The following JAKMIP3 variants were observed in gnomAD, a reference collection of about 807,000 sequenced individuals.
JAKMIP3 encodes the protein Janus kinase and microtubule interacting protein 3.
In JAKMIP3, 58 loss-of-function variants were observed where a neutral mutation model predicts 118.5. That is an observed-to-expected ratio of 0.49 (90% CI 0.40 to 0.61). The LOEUF (loss-of-function observed/expected upper bound fraction) is 0.61. Ranked by LOEUF, JAKMIP3 falls within the 20% of genes least tolerant of loss-of-function variation. The probability of loss-of-function intolerance (pLI) is 0.00; values close to 1 mark genes in which losing one functional copy is unlikely to be tolerated. For synonymous variants in JAKMIP3, 486 were observed against 451.2 expected (o/e 1.08, Z -0.98); for missense variants, 950 against 1,109.0 (o/e 0.86, Z 2.04).
At chr10:132,107,327 G>A (rs764550029) in intron 2 of JAKMIP3, among the ~76,000 whole-genome samples, 1 of 152,168 alleles carries the variant, frequency 6.6e-6, no homozygotes, top group African/African-American at 2.4e-5. Context: ...CATCTGTGAC[G>A]CCCCGAGGGA....
upstream of JAKMIP3, among the ~76,000 whole-genome samples, chr10:132,059,812 TTCA>T (rs1481540499): frequency 6.6e-6 from 1 of 152,222 alleles, no homozygotes; most frequent in Non-Finnish European, 1.5e-5. Flanking sequence ...TTTGCAGGTG[TTCA>T]AATTCCCAGA....
chr10:132,153,426 C>T (rs911429957), intron 17 of JAKMIP3, among the ~76,000 whole-genome samples: 6 of 152,198 alleles, frequency 3.9e-5, no homozygotes, highest in African/African-American at 9.7e-5. Flanking sequence ...AAGGGGTGCT[C>T]CTGGCACATA....
intron 2 of JAKMIP3, among the ~76,000 whole-genome samples, chr10:132,116,530 C>T (rs1564916627): frequency 1.4e-5 from 2 of 141,360 alleles, no homozygotes; most frequent in Admixed American, 7.1e-5. Context: ...CATGGACGCT[C>T]CCCCCGAATA....
intron 19 of JAKMIP3, among the ~76,000 whole-genome samples, chr10:132,154,956 A>AATGGTTATCATGATGGTGATC (rs2056856031): frequency 3.1e-4 from 2 of 6,556 alleles, no homozygotes; most frequent in Admixed American, 2.9e-3. Context: ...TGATGGTGAT[A>AATGGTTATCATGATGGTGATC]ATGGTTATCA....
intron 23 of JAKMIP3, among the ~76,000 whole-genome samples, chr10:132,175,346 G>T (rs771868483): frequency 1.3e-5 from 2 of 152,102 alleles, no homozygotes; most frequent in Non-Finnish European, 2.9e-5. Flanking sequence ...GAACATCCTT[G>T]TCTCCTTCCA....
chr10:132,058,978 C>T (rs2133840627), intron 1 of JAKMIP3, among the ~76,000 whole-genome samples: 1 of 152,302 alleles, frequency 6.6e-6, no homozygotes, highest in South Asian at 2.1e-4. Context: ...TGGCTTCACG[C>T]CACCGAGGAC....
intron 9 of JAKMIP3, among the ~76,000 whole-genome samples, 151 bp downstream of exon 9, chr10:132,138,329 C>T (rs1202476415): frequency 7.4e-6 from 1 of 134,484 alleles, no homozygotes; most frequent in Non-Finnish European, 1.5e-5. Context: ...GGACCGCGCC[C>T]ACGTGTGTGG....
At chr10:132,055,620 A>C (rs1370773010) in intron 1 of JAKMIP3, among the ~76,000 whole-genome samples, 1 of 152,210 alleles carries the variant, frequency 6.6e-6, no homozygotes, top group Admixed American at 6.5e-5. Flanking sequence ...GGTTTGAGCC[A>C]TATCAGTTGG....
chr10:132,155,130 ATGGTGGTGATATGGTGG>A (rs1232426139), intron 19 of JAKMIP3, among the ~76,000 whole-genome samples: 2 of 145,238 alleles, frequency 1.4e-5, no homozygotes, highest in African/African-American at 5.1e-5. Flanking sequence ...GATGATGGTG[ATGGTGGTGATATGGTGG>A]TGATGATCAT....
chr10:132,069,342 C>T (rs2039450703), intron 1 of JAKMIP3, among the ~76,000 whole-genome samples: 1 of 152,136 alleles, frequency 6.6e-6, no homozygotes, highest in African/African-American at 2.4e-5. Flanking sequence ...GACACGTTTT[C>T]CCAGGTCCCC....
chr10:132,079,189 C>T (rs1243055808), intron 1 of JAKMIP3, among the ~76,000 whole-genome samples: 5 of 143,000 alleles, frequency 3.5e-5, no homozygotes, highest in African/African-American at 1.1e-4. Flanking sequence ...CTGTGGACCC[C>T]GGTAGCCTCG....
At chr10:132,076,342 A>G (rs1048404849) in intron 1 of JAKMIP3, among the ~76,000 whole-genome samples, 1 of 152,236 alleles carries the variant, frequency 6.6e-6, no homozygotes, top group African/African-American at 2.4e-5. Flanking sequence ...TTAGGATTTC[A>G]TTCCTTTTCA....
chr10:132,115,443 T>C (rs1000046577), intron 2 of JAKMIP3, among the ~76,000 whole-genome samples: 6 of 152,238 alleles, frequency 3.9e-5, no homozygotes, highest in African/African-American at 1.4e-4. Context: ...TGCACTCATC[T>C]GGGCCCTTCT....
intron 1 of JAKMIP3, among the ~76,000 whole-genome samples, chr10:132,051,324 T>C (rs1232176171): frequency 6.9e-6 from 1 of 144,162 alleles, no homozygotes; most frequent in Non-Finnish European, 1.5e-5. Context: ...CTGTCTTTCC[T>C]GGCACGGTTG....
chr10:132,094,501 A>G (rs2043574940), intron 1 of JAKMIP3, among the ~76,000 whole-genome samples: 1 of 151,744 alleles, frequency 6.6e-6, no homozygotes, highest in South Asian at 2.1e-4. Context: ...GCTTCCAGAG[A>G]GGTGGGCTGT....
chr10:132,151,793 G>A (rs2136191175), intron 16 of JAKMIP3, among the ~76,000 whole-genome samples: 1 of 152,244 alleles, frequency 6.6e-6, no homozygotes, highest in South Asian at 2.1e-4. Context: ...TGCAGCCTCT[G>A]AGGCCATTGT....
intron 2 of JAKMIP3, among the ~76,000 whole-genome samples, chr10:132,109,675 A>G (rs1030257938): frequency 3.9e-5 from 6 of 152,000 alleles, no homozygotes; most frequent in Non-Finnish European, 7.4e-5. Context: ...ACTCCATTCC[A>G]TAAATGGAAT....
chr10:132,087,164 C>T (rs1469126739), intron 1 of JAKMIP3, among the ~76,000 whole-genome samples: 4 of 152,108 alleles, frequency 2.6e-5, no homozygotes, highest in Admixed American at 2.6e-4. Flanking sequence ...AATCATTTTG[C>T]TTAAGGAGGC....
At chr10:132,136,116 C>T (rs765957210) in intron 6 of JAKMIP3, 40 bp downstream of exon 6, 57 of 1,604,128 alleles carry the variant, frequency 3.6e-5, no homozygotes, top group South Asian at 2.8e-4. Flanking sequence ...CGGTCGCACC[C>T]GAGCTCCAGG....
Sources: allele counts gnomAD v4.1 joint callset (sites outside exome capture counted in the v4.1 genomes callset), GRCh38; gene constraint gnomAD v4.1.1; transcripts MANE v1.5; gene names NCBI Gene and HGNC (gene_info 2026-07-23, HGNC 2026-07-21).